The following LRRC37B variants were observed in gnomAD, a reference collection of about 807,000 sequenced individuals.
The protein encoded by LRRC37B is leucine rich repeat containing 37B.
Under a neutral mutation model 98.3 loss-of-function variants are expected in LRRC37B, and 28 were observed. That is an observed-to-expected ratio of 0.28 (90% CI 0.21 to 0.39). The LOEUF (loss-of-function observed/expected upper bound fraction) is 0.39. Ranked by LOEUF, LRRC37B falls within the 10% of genes least tolerant of loss-of-function variation. LRRC37B has a pLI of 1.00. For synonymous variants in LRRC37B, 364 were observed against 442.7 expected (o/e 0.82, Z 2.23); for missense variants, 938 against 1,182.7 (o/e 0.79, Z 3.03).
rs201331452 is a variant in LRRC37B, at chr17:32,022,796, C to A, written c.1731C>A (p.Pro577=). 2.0e-4 allele frequency: 318 copies of A among 1,613,912 alleles called. 6 individuals are homozygous for A. The South Asian group carries it at 3.0e-3, about 15-fold the overall frequency. The change falls in exon 1 of 12, where the codon CCC becomes CCA. Residue 577 remains proline, a synonymous_variant. Coordinates refer to ENST00000327564, the Ensembl canonical transcript of LRRC37B. ...TCCGCCAAGTGCCTGTGCCAGAGCC[C>A]GACACCTACAATGGCATCTTCACCA...
At chr17:32,009,851 G>A (rs1351403121) in intron 1 of LRRC37B, among the ~76,000 whole-genome samples, 2 of 151,562 alleles carry the variant, frequency 1.3e-5, no homozygotes, top group Admixed American at 6.6e-5. Context: ...TCGCTGTGTT[G>A]CCCAGGCTGG....
In LRRC37B at chr17:32,039,542, ATTTC is replaced by A. The variant is rs1485018085; in HGVS notation, c.2204+3905_2204+3908del. 2.9e-4 allele frequency among the ~76,000 whole-genome samples: 33 copies of A among 111,870 alleles called. 1 individual carries two copies. The highest frequency in any genetic ancestry group is 1.1e-3 in the African/African-American group (31 of 27,188). The allele number at this position is 111,870 out of a possible 152,430, so 73.4% of individuals were successfully genotyped here. The stretch of plus-strand genomic sequence containing the variant: ...TATATATGTATGTATTTTTATATAT[ATTTC>A]TATATATATATTCTATATATATATT... On this transcript the variant is annotated intron_variant, in intron 7 of 11. Coordinates refer to ENST00000327564, the Ensembl canonical transcript of LRRC37B.
At position 32,045,591 on chromosome 17, in the gene LRRC37B, G is replaced by A. The variant is rs1457464571; in HGVS notation, c.2205-109G>A. 13 of 1,322,118 alleles carry A rather than the reference G, an allele frequency of 9.8e-6. 1 individual carries two copies. Among genetic ancestry groups the A allele is most frequent in the African/African-American group, 1.4e-5 (1 of 70,674 alleles). 81.9% of individuals were successfully genotyped at this position (1,322,118 alleles called of 1,614,324 possible). On this transcript the variant is annotated intron_variant, in intron 7 of 11. Transcript: ENST00000327564. ...TCCTACCCAAGTGTCCAGTCCACGG[G>A]TCTCAGTAACACCTCTTTGCCCAGC... is the stretch of plus-strand genomic sequence containing the variant.
At chr17:32,035,769 A>G (rs1377580227) in intron 7 of LRRC37B, 130 bp downstream of exon 10, 11 of 1,030,100 alleles carry the variant, frequency 1.1e-5, no homozygotes, top group Non-Finnish European at 1.5e-5. Flanking sequence ...GTATAGTTTG[A>G]TGAGTTTTGA....
At chr17:32,041,770 C>T (rs544012853) in intron 7 of LRRC37B, 12 of 458,230 alleles carry the variant, frequency 2.6e-5, no homozygotes, top group African/African-American at 2.0e-4. Context: ...CTTCCTCACT[C>T]CATGGCGCCG....
upstream of LRRC37B, among the ~76,000 whole-genome samples, chr17:32,007,696 G>A (rs1910441212): frequency 6.6e-6 from 1 of 151,386 alleles, no homozygotes. The surrounding 1 kb of genome is among the most constrained non-coding windows in gnomAD (Gnocchi z 4.1). Flanking sequence ...CGCCGCCCAC[G>A]TCCGGACCCA....
intron 1 of LRRC37B, among the ~76,000 whole-genome samples, chr17:32,011,798 C>CT (rs774769497): frequency 7.2e-5 from 11 of 152,122 alleles, no homozygotes; most frequent in Non-Finnish European, 1.6e-4. Context: ...CGCCCAGCCC[C>CT]TTTGTGCACT....
At chr17:32,024,758 A>G (rs778138988) in exon 2 of LRRC37B, 1 of 1,606,036 alleles carries the variant, frequency 6.2e-7, no homozygotes, top group South Asian at 1.1e-5. Flanking sequence ...AATGTATGGA[A>G]AGCATACAGT....
At chr17:32,018,409 G>A (rs950487982), upstream of LRRC37B, among the ~76,000 whole-genome samples, 14 of 152,206 alleles carry the variant, frequency 9.2e-5, no homozygotes, top group Non-Finnish European at 1.8e-4. Flanking sequence ...AGAATTTGGA[G>A]GATAATTTGT....
At chr17:32,009,728 C>T (rs116293502) in intron 1 of LRRC37B, among the ~76,000 whole-genome samples, 2,838 of 152,102 alleles carry the variant, frequency 0.019, 104 homozygotes, top group African/African-American at 0.064. Context: ...TCATTCCCCT[C>T]GACCCTGGGC....
At chr17:32,029,278 A>G (rs1373938806) in intron 3 of LRRC37B, among the ~76,000 whole-genome samples, 1 of 152,170 alleles carries the variant, frequency 6.6e-6, no homozygotes, top group Non-Finnish European at 1.5e-5. Flanking sequence ...GATTACAGGC[A>G]TGAGCCACTG....
chr17:32,012,952 G>A (rs1275515779), intron 1 of LRRC37B, among the ~76,000 whole-genome samples: 1 of 152,174 alleles, frequency 6.6e-6, no homozygotes, highest in Non-Finnish European at 1.5e-5. Flanking sequence ...GGGAGGCAGA[G>A]GTTGTAGTGA....
chr17:32,023,434 CTT>C (rs1910860945), intron 1 of LRRC37B, among the ~76,000 whole-genome samples: 1 of 152,178 alleles, frequency 6.6e-6, no homozygotes, highest in South Asian at 2.1e-4. Context: ...GCTTCACCCT[CTT>C]TACAGCAGCC....
chr17:32,020,022 T>G (rs1910726289), upstream of LRRC37B, among the ~76,000 whole-genome samples: 1 of 152,120 alleles, frequency 6.6e-6, no homozygotes, highest in African/African-American at 2.4e-5. Context: ...ATTTTGTATT[T>G]TTAGTAGAGA....
intron 11 of LRRC37B, chr17:32,051,132 G>T (rs888159010): frequency 1.3e-5 from 2 of 152,094 alleles, no homozygotes; most frequent in Non-Finnish European, 2.9e-5. Context: ...CACTCTGCCT[G>T]TGGGAGTCCT....
upstream of LRRC37B, chr17:32,020,905 A>T (rs1704604674): frequency 7.1e-7 from 1 of 1,401,544 alleles, no homozygotes; most frequent in Non-Finnish European, 9.4e-7. Context: ...TGCGGCCCAA[A>T]TCCTTCCTCA....
At chr17:32,052,349 T>C (rs1310844786) in intron 11 of LRRC37B, 1 of 152,130 alleles carries the variant, frequency 6.6e-6, no homozygotes, top group African/African-American at 2.4e-5. Flanking sequence ...ATTTGAAAAC[T>C]TTTGTTGTAG....
At chr17:32,014,289 CAT>C (rs1169156739) in intron 1 of LRRC37B, among the ~76,000 whole-genome samples, 5 of 152,156 alleles carry the variant, frequency 3.3e-5, no homozygotes, top group Admixed American at 6.5e-5. Context: ...TTCTGTAAAA[CAT>C]GTGTGTGATA....
At chr17:32,021,170 C>T (rs745971521) in exon 1 of LRRC37B, 1 of 1,613,510 alleles carries the variant, frequency 6.2e-7, no homozygotes, top group African/African-American at 1.3e-5. Flanking sequence ...GTTTCTGGGG[C>T]CCATGGCCCC....
Sources: gnomAD v4.1 joint callset for allele counts (sites outside exome capture counted in the v4.1 genomes callset) on GRCh38, gnomAD v4.1.1 for gene constraint, Gnocchi (gnomAD v3.1) non-coding constraint, MANE v1.5 for transcripts, NCBI Gene and HGNC (gene_info 2026-07-23, HGNC 2026-07-21) for gene names.